The following SLC24A2 variants were observed in gnomAD, a reference collection of about 807,000 sequenced individuals.
SLC24A2 encodes solute carrier family 24 member 2.
A neutral mutation model predicts 62.0 loss-of-function variants in SLC24A2; 36 were observed. The observed-to-expected ratio is 0.58, with a 90% confidence interval of 0.44 to 0.77. The LOEUF (loss-of-function observed/expected upper bound fraction) is 0.77. Among genes scored for constraint, SLC24A2 ranks in the 30% least tolerant of loss-of-function variants. The pLI is 0.00. For missense variants in SLC24A2, 846 were observed against 817.9 expected (o/e 1.03, Z -0.42); for synonymous variants, 358 against 294.0 (o/e 1.22, Z -2.23).
the SLC24A2 span, chr9:19,928,053 C>T: frequency 6.6e-6 from 1 of 152,376 alleles, no homozygotes; most frequent in Non-Finnish European, 1.5e-5. Context: ...GGCCCCACAC[C>T]AGCGACCTCA....
the SLC24A2 span, among the ~76,000 whole-genome samples, chr9:19,963,021 G>C: frequency 6.6e-6 from 1 of 152,048 alleles, no homozygotes; most frequent in Admixed American, 6.6e-5. Flanking sequence ...TTATTATTTT[G>C]AGATACGTCC....
chr9:19,712,888 C>T (rs1359517889), intron 2 of SLC24A2, among the ~76,000 whole-genome samples: 1 of 152,108 alleles, frequency 6.6e-6, no homozygotes, highest in Non-Finnish European at 1.5e-5. Flanking sequence ...ACCATACTTA[C>T]CCCAGTTGTG....
rs780842183 is a variant in SLC24A2 at position 19,550,214 on chromosome 9, G to T, written c.1402C>A (p.Arg468Ser). 7.4e-6 allele frequency: 12 copies of T among 1,613,964 alleles called. No homozygotes were observed. In the Admixed American group the frequency reaches 1.8e-4, roughly 25 times the overall value. Residue 468 changes from arginine to serine, a missense_variant, in exon 8 of 11, where the codon CGC becomes AGC. Arg to Ser is a moderately radical substitution (Grantham distance 110). Coordinates refer to ENST00000341998, the MANE Select transcript of SLC24A2 (RefSeq NM_020344.4). ...PLSLAWPSET[R>S]KQVTFLIVFP... Reference sequence around the variant, plus strand: ...ACAATCAGAAACGTGACTTGCTTGCGGGTTTCAGAAGGCCAGGCAAGGCTG... The same window carrying T: ...ACAATCAGAAACGTGACTTGCTTGCTGGTTTCAGAAGGCCAGGCAAGGCTG...
At chr9:20,279,163 T>C in the SLC24A2 span, among the ~76,000 whole-genome samples, 1 of 152,144 alleles carries the variant, frequency 6.6e-6, no homozygotes, top group Non-Finnish European at 1.5e-5. Context: ...CCATGACACA[T>C]GGGGATTATG....
At chr9:20,156,677 T>C in the SLC24A2 span, among the ~76,000 whole-genome samples, 1 of 151,794 alleles carries the variant, frequency 6.6e-6, no homozygotes, top group Non-Finnish European at 1.5e-5. Context: ...TGTCTTTGCC[T>C]TTCCTGTTTA....
At chr9:20,070,473 G>A in the SLC24A2 span, among the ~76,000 whole-genome samples, 1 of 152,158 alleles carries the variant, frequency 6.6e-6, no homozygotes, top group Non-Finnish European at 1.5e-5. Context: ...AGCCATCATT[G>A]TTCATACGAT....
intron 2 of SLC24A2, among the ~76,000 whole-genome samples, chr9:19,685,328 ATAC>A (rs1233362304): frequency 6.6e-6 from 1 of 152,200 alleles, no homozygotes; most frequent in Non-Finnish European, 1.5e-5. Context: ...TGAAATGGCC[ATAC>A]TGCCCAAAGC....
At chr9:20,239,877 C>CTT in the SLC24A2 span, among the ~76,000 whole-genome samples, 2,678 of 144,028 alleles carry the variant, frequency 0.019, 37 homozygotes, top group Middle Eastern at 0.03. Context: ...TGCCTTCTGG[C>CTT]TTTTTTTTTT....
At chr9:20,093,785 T>A in the SLC24A2 span, among the ~76,000 whole-genome samples, 48 of 152,132 alleles carry the variant, frequency 3.2e-4, no homozygotes, top group African/African-American at 1.1e-3. Flanking sequence ...TGAGAAATAA[T>A]TTAACTGTAA....
At chr9:20,094,789 A>C in the SLC24A2 span, among the ~76,000 whole-genome samples, 1 of 152,194 alleles carries the variant, frequency 6.6e-6, no homozygotes, top group East Asian at 1.9e-4. Context: ...GTATTTCCAA[A>C]TGACCAGTGT....
intron 2 of SLC24A2, among the ~76,000 whole-genome samples, chr9:19,706,334 T>G (rs1199083615): frequency 1.3e-5 from 2 of 152,000 alleles, no homozygotes; most frequent in Non-Finnish European, 2.9e-5. Flanking sequence ...TGTCTCTGCA[T>G]GTGAGATGGG....
the SLC24A2 span, among the ~76,000 whole-genome samples, chr9:20,176,502 T>C: frequency 6.6e-6 from 1 of 152,094 alleles, no homozygotes; most frequent in African/African-American, 2.4e-5. Flanking sequence ...ATGTAGTCAT[T>C]AAAATAACTT....
chr9:19,660,937 T>A (rs1053152836), intron 2 of SLC24A2, among the ~76,000 whole-genome samples: 1 of 152,186 alleles, frequency 6.6e-6, no homozygotes, highest in African/African-American at 2.4e-5. Context: ...AACATACTAA[T>A]AAATGGCTCA....
intron 7 of SLC24A2, among the ~76,000 whole-genome samples, chr9:19,569,677 A>G (rs1261900173): frequency 1.3e-5 from 2 of 152,202 alleles, no homozygotes; most frequent in South Asian, 2.1e-4. Context: ...TACAAGTGCA[A>G]ATCACATCTG....
the SLC24A2 span, among the ~76,000 whole-genome samples, chr9:19,876,207 T>G: frequency 6.6e-6 from 1 of 152,200 alleles, no homozygotes; most frequent in Admixed American, 6.5e-5. Flanking sequence ...TGTGGTTCAG[T>G]GGCCACAAGG....
chr9:20,048,302 A>G, the SLC24A2 span, among the ~76,000 whole-genome samples: 10,203 of 152,256 alleles, frequency 0.067, 511 homozygotes, highest in African/African-American at 0.13. Context: ...TCTCTTTTCA[A>G]TATACATAAT....
the SLC24A2 span, among the ~76,000 whole-genome samples, chr9:20,275,943 C>T: frequency 6.6e-6 from 1 of 152,096 alleles, no homozygotes; most frequent in Admixed American, 6.6e-5. Flanking sequence ...AGAAAACCAC[C>T]CCCATGATAC....
the SLC24A2 span, among the ~76,000 whole-genome samples, chr9:19,850,984 TGTATATATATATATATACAC>T: frequency 0.085 from 2,544 of 29,952 alleles, 255 homozygotes; most frequent in Non-Finnish European, 0.14. Flanking sequence ...TATATATATA[TGTATATATATATATATACAC>T]ATACATATAT....
intron 4 of SLC24A2, among the ~76,000 whole-genome samples, chr9:19,619,114 C>T (rs1817843305): frequency 6.6e-6 from 1 of 152,132 alleles, no homozygotes; most frequent in Non-Finnish European, 1.5e-5. Flanking sequence ...GCCAAAGGAT[C>T]AGTACACTCT....
Sources: allele counts gnomAD v4.1 joint callset (sites outside exome capture counted in the v4.1 genomes callset), GRCh38; gene constraint gnomAD v4.1.1; transcripts MANE v1.5; gene names NCBI Gene and HGNC (gene_info 2026-07-23, HGNC 2026-07-21).